Variants in KIF6 observed in about 807,000 individuals in gnomAD.
KIF6 encodes kinesin-like protein KIF6.
Under a neutral mutation model 112.7 loss-of-function variants are expected in KIF6, and 106 were observed. The observed-to-expected ratio is 0.94, with a 90% confidence interval of 0.80 to 1.11. The LOEUF (loss-of-function observed/expected upper bound fraction) is 1.11, where lower values mean the gene tolerates loss of function less well. Ranked by LOEUF, KIF6 falls within the 50% of genes least tolerant of loss-of-function variation. The pLI is 0.00. For missense variants in KIF6, 929 were observed against 964.0 expected, an observed-to-expected ratio of 0.96 and a Z score of 0.48; for synonymous variants, 339 against 339.9, an observed-to-expected ratio of 1.00 and a Z score of 0.03.
chr6:39,570,512 T>G (rs1449137050), intron 10 of KIF6, among the ~76,000 whole-genome samples: 2 of 152,174 alleles, frequency 1.3e-5, no homozygotes, highest in Non-Finnish European at 2.9e-5. Flanking sequence ...TATAGTAAGC[T>G]TGCACGTAGG....
At chr6:39,414,456 C>T (rs1158924459) in intron 15 of KIF6, among the ~76,000 whole-genome samples, 1 of 152,182 alleles carries the variant, frequency 6.6e-6, no homozygotes, top group Non-Finnish European at 1.5e-5. Context: ...CTGCTGCAAA[C>T]CCATGGGGGA....
At chr6:39,493,069 T>C (rs1384045403) in intron 13 of KIF6, among the ~76,000 whole-genome samples, 2 of 152,156 alleles carry the variant, frequency 1.3e-5, no homozygotes, top group African/African-American at 4.8e-5. Flanking sequence ...TTATTAAACA[T>C]TATATGCTTG....
At chr6:39,647,702 C>T (rs1337365091) in intron 3 of KIF6, among the ~76,000 whole-genome samples, 1 of 149,488 alleles carries the variant, frequency 6.7e-6, no homozygotes, top group Non-Finnish European at 1.5e-5. Context: ...CAGTGAAGGC[C>T]CTGATTTTTT....
Position 39,355,074 on chromosome 6 carries a change from T to C in KIF6, c.2180+2203A>G, listed in dbSNP as rs144968464. ...GGTGGCACGTGCCTGTAATCCCAACTACTCAGGAGGCTGAGGCAGGAGGAT... is the reference window on the plus strand; with the variant it reads ...GGTGGCACGTGCCTGTAATCCCAACCACTCAGGAGGCTGAGGCAGGAGGAT... On this transcript the variant is annotated intron_variant, in intron 19 of 22. Coordinates refer to ENST00000287152, the MANE Select transcript of KIF6 (RefSeq NM_145027.6). Among the ~76,000 whole-genome samples the C allele has an allele frequency of 5.7e-3, 870 of 152,146 alleles. 11 individuals carry two copies. Among genetic ancestry groups the C allele is most frequent in the African/African-American group, 0.019 (804 of 41,504 alleles).
chr6:39,655,469 AT>A (rs899822230), intron 3 of KIF6, among the ~76,000 whole-genome samples: 18 of 151,984 alleles, frequency 1.2e-4, no homozygotes, highest in African/African-American at 4.1e-4. Flanking sequence ...ATTAAGTCAA[AT>A]TTTTTTCTTC....
intron 10 of KIF6, among the ~76,000 whole-genome samples, chr6:39,552,992 A>T (rs926592644): frequency 3.3e-5 from 5 of 152,228 alleles, no homozygotes; most frequent in Non-Finnish European, 7.4e-5. Context: ...AACTATACAA[A>T]AATTTTTCAG....
chr6:39,596,273 T>G lies in KIF6; in HGVS notation c.640-13A>C. ...GGTTCATAGGAGTCTATAAAAAAAT[T>G]GCAAAACAAAAATTATTTGAACAAT... On this transcript the variant is annotated splice_polypyrimidine_tract_variant and intron_variant, in intron 6 of 22. Transcript: ENST00000287152. 6.3e-7 allele frequency: 1 copy of G among 1,576,804 alleles called. No individual in the cohort carries two copies. The highest frequency in any genetic ancestry group is 8.7e-7 in the Non-Finnish European group (1 of 1,150,668).
chr6:39,493,889 C>T (rs949804487), intron 13 of KIF6, among the ~76,000 whole-genome samples: 2 of 152,174 alleles, frequency 1.3e-5, no homozygotes, highest in African/African-American at 4.8e-5. Flanking sequence ...CTTTCAGAGC[C>T]TTCTTTTGGC....
chr6:39,494,922 T>A (rs1775692262), intron 13 of KIF6, among the ~76,000 whole-genome samples: 1 of 151,982 alleles, frequency 6.6e-6, no homozygotes, highest in Non-Finnish European at 1.5e-5. Context: ...CCAAACATAC[T>A]CTTCACATCA....
At chr6:39,645,426 G>A (rs1785112722) in intron 3 of KIF6, among the ~76,000 whole-genome samples, 1 of 152,094 alleles carries the variant, frequency 6.6e-6, no homozygotes, top group Non-Finnish European at 1.5e-5. Flanking sequence ...TCTGCACAAA[G>A]TGAGACTTCA....
intron 13 of KIF6, among the ~76,000 whole-genome samples, chr6:39,492,086 G>C (rs1775510484): frequency 6.6e-6 from 1 of 152,176 alleles, no homozygotes; most frequent in African/African-American, 2.4e-5. Context: ...GAGACTGTAA[G>C]ATTCTTTATT....
intron 3 of KIF6, among the ~76,000 whole-genome samples, chr6:39,696,998 T>C (rs940301536): frequency 5.3e-5 from 8 of 152,176 alleles, no homozygotes; most frequent in Non-Finnish European, 8.8e-5. Context: ...CCTACTCTTT[T>C]TTATTTTCTA....
intron 6 of KIF6, among the ~76,000 whole-genome samples, chr6:39,596,732 A>G (rs535401289): frequency 6.6e-6 from 1 of 152,358 alleles, no homozygotes; most frequent in African/African-American, 2.4e-5. Context: ...TAGACAATAC[A>G]ATAAACAAGA....
At chr6:39,366,078 G>C (rs945885709) in intron 16 of KIF6, among the ~76,000 whole-genome samples, 9 of 152,258 alleles carry the variant, frequency 5.9e-5, no homozygotes, top group Admixed American at 5.9e-4. Flanking sequence ...CAGAGTCTCA[G>C]GTGCCCTGGA....
intron 19 of KIF6, among the ~76,000 whole-genome samples, chr6:39,348,389 G>C (rs1367884710): frequency 6.6e-6 from 1 of 152,108 alleles, no homozygotes; most frequent in African/African-American, 2.4e-5. Flanking sequence ...TCTTTGCGGA[G>C]GCCCAGCTGC....
rs749063566 is a variant in KIF6, at chr6:39,545,615, G to C, written c.1255C>G (p.Arg419Gly). 1 of 1,612,778 alleles carries C rather than the reference G, an allele frequency of 6.2e-7. No individual in the cohort carries two copies. Among genetic ancestry groups the C allele is most frequent in the Admixed American group, 1.7e-5 (1 of 59,986 alleles). ...DSRLEVGADM[R>G]KVHHCFHHLK... ...TGATGAAAACAGTGATGAACTTTAC[G>C]CATATCCGCGCCAACCTCTAATCTA... The change falls in exon 11 of 23, where the codon CGT (arginine) becomes GGT (glycine). Residue 419 changes from arginine to glycine, a missense_variant. By Grantham distance (125) the Arg-to-Gly change is moderately radical. Around this residue, in one of 2 missense-constraint regions of KIF6, gnomAD observed 688 missense variants for 662.7 expected, o/e 1.04. Coordinates refer to ENST00000287152, the MANE Select transcript of KIF6 (RefSeq NM_145027.6).
chr6:39,612,372 G>A (rs1783262544), intron 6 of KIF6, among the ~76,000 whole-genome samples: 1 of 151,956 alleles, frequency 6.6e-6, no homozygotes. Flanking sequence ...TTGGGGAACT[G>A]TTCCCACACC....
intron 21 of KIF6, among the ~76,000 whole-genome samples, 163 bp downstream of exon 21, chr6:39,345,537 A>G (rs1763631925): frequency 6.6e-6 from 1 of 152,138 alleles, no homozygotes; most frequent in Non-Finnish European, 1.5e-5. Context: ...GGCCTGTGTG[A>G]GAGATTCCAG....
chr6:39,344,595 G>A (rs1350627529), intron 21 of KIF6, among the ~76,000 whole-genome samples: 1 of 151,936 alleles, frequency 6.6e-6, no homozygotes, highest in Non-Finnish European at 1.5e-5. Flanking sequence ...CCCGTCACAT[G>A]GCGGCTGTGC....
Sources: allele counts gnomAD v4.1 joint callset (sites outside exome capture counted in the v4.1 genomes callset), GRCh38; gene constraint gnomAD v4.1.1; regional missense constraint gnomAD v4.1.1; transcripts MANE v1.5; gene names NCBI Gene and HGNC (gene_info 2026-07-23, HGNC 2026-07-21).